The following KCTD2 variants were observed in gnomAD, a reference collection of about 807,000 sequenced individuals.
The protein encoded by KCTD2 is BTB/POZ domain-containing protein KCTD2.
Under a neutral mutation model 27.9 loss-of-function variants are expected in KCTD2, and 18 were observed. The ratio of observed to expected loss-of-function variants is 0.64; its 90% confidence interval spans 0.45 to 0.96. The LOEUF is 0.96. Among genes scored for constraint, KCTD2 ranks in the 40% least tolerant of loss-of-function variants. The pLI is 0.00. For synonymous variants in KCTD2, 175 were observed against 148.4 expected, an observed-to-expected ratio of 1.18 and a Z score of -1.30; for missense variants, 280 against 348.0, an observed-to-expected ratio of 0.80 and a Z score of 1.56.
chr17:75,042,781 G>A, upstream of KCTD2: 5 of 1,032,770 alleles, frequency 4.8e-6, no homozygotes, highest in South Asian at 8.2e-5. Context: ...AAACATGCAA[G>A]TCTTCACAAG....
intron 3 of KCTD2, chr17:75,042,210 C>A: frequency 6.2e-7 from 1 of 1,614,180 alleles, no homozygotes; most frequent in Non-Finnish European, 8.5e-7. Flanking sequence ...ACCAAGCCAG[C>A]CTTGGCCACA....
At chr17:75,037,607 A>G (rs980971741) in intron 3 of KCTD2, among the ~76,000 whole-genome samples, 2 of 152,242 alleles carry the variant, frequency 1.3e-5, no homozygotes, top group Admixed American at 1.3e-4. Context: ...TTTAAGGACA[A>G]TTCTTTCTAC....
At chr17:75,034,327 C>A (rs929275693) in intron 2 of KCTD2, among the ~76,000 whole-genome samples, 1 of 152,050 alleles carries the variant, frequency 6.6e-6, no homozygotes, top group African/African-American at 2.4e-5. Context: ...AGGCGAGGGG[C>A]GCAAACAGGG....
chr17:75,055,347 G>A (rs905581127), intron 3 of KCTD2, among the ~76,000 whole-genome samples: 2 of 151,884 alleles, frequency 1.3e-5, no homozygotes, highest in African/African-American at 4.8e-5. Context: ...GAGGCACCAT[G>A]CCTGGCATAA....
At chr17:75,039,297 T>C in intron 3 of KCTD2, 1 of 1,610,342 alleles carries the variant, frequency 6.2e-7, no homozygotes, top group South Asian at 1.1e-5. Flanking sequence ...GAAATTCAGT[T>C]CTGAAACCAG....
chr17:75,044,222 G>A (rs575261109), upstream of KCTD2, among the ~76,000 whole-genome samples: 54 of 75,530 alleles, frequency 7.1e-4, 9 homozygotes, highest in African/African-American at 2.2e-3. Context: ...TTTTTGAGAC[G>A]GAGTCTCGCT....
At chr17:75,048,109 C>G (rs1202788851) in intron 1 of KCTD2, among the ~76,000 whole-genome samples, 1 of 152,168 alleles carries the variant, frequency 6.6e-6, no homozygotes, top group East Asian at 1.9e-4. Flanking sequence ...GTCCTGGTCG[C>G]AGAACTTTTA....
chr17:75,062,922 C>T (rs2073419237), intron 5 of KCTD2, 96 bp from the exon 6 acceptor site: 1 of 1,313,812 alleles, frequency 7.6e-7, no homozygotes. Context: ...GATGACAGGA[C>T]CATCATGCCA....
At position 75,063,069 on chromosome 17, in the gene KCTD2, G is replaced by T. The variant is rs1219420293; in HGVS notation, c.*22G>T. 6.2e-7 allele frequency: 1 copy of T among 1,612,502 alleles called. No homozygotes were observed. The highest frequency in any genetic ancestry group is 1.7e-5 in the Admixed American group (1 of 59,962). ...GTAAACTAAGACCCCGAAAACTCCA[G>T]ACCTTCAGGAGAGCAGTCAGCAGAG... is the stretch of plus-strand genomic sequence containing the variant. On this transcript the variant is annotated 3_prime_UTR_variant, in exon 6 of 6. Coordinates refer to ENST00000322444, the MANE Select transcript of KCTD2 (RefSeq NM_015353.3).
intron 3 of KCTD2, among the ~76,000 whole-genome samples, chr17:75,036,755 G>A (rs1461719689): frequency 6.6e-6 from 1 of 152,236 alleles, no homozygotes; most frequent in African/African-American, 2.4e-5. Flanking sequence ...GATCCTCAGC[G>A]GGATGGCTGA....
intron 3 of KCTD2, among the ~76,000 whole-genome samples, chr17:75,055,071 T>G (rs1479537576): frequency 6.6e-6 from 1 of 152,054 alleles, no homozygotes; most frequent in Non-Finnish European, 1.5e-5. Flanking sequence ...TCTTCTTTTT[T>G]TGAGGCAGAG....
chr17:75,059,652 C>T, intron 4 of KCTD2, 47 bp downstream of exon 4: 1 of 1,435,580 alleles, frequency 7.0e-7, no homozygotes, highest in Non-Finnish European at 9.8e-7. Context: ...TTCAAGGGGT[C>T]TGCAGCTCTT....
chr17:75,039,634 T>C, intron 3 of KCTD2: 1 of 289,324 alleles, frequency 3.5e-6, no homozygotes, highest in South Asian at 5.7e-5. Context: ...ATAGTTGGCC[T>C]TCAGTGCTTT....
At chr17:75,054,842 A>G (rs1411177508) in intron 3 of KCTD2, among the ~76,000 whole-genome samples, 1 of 151,732 alleles carries the variant, frequency 6.6e-6, no homozygotes, top group African/African-American at 2.4e-5. Context: ...AAGTATAGCC[A>G]GGAAAATAGA....
intron 2 of KCTD2, chr17:75,035,210 A>C (rs181237141): frequency 6.6e-6 from 1 of 151,824 alleles, no homozygotes; most frequent in Non-Finnish European, 1.5e-5. Flanking sequence ...CTGCAACTAT[A>C]ATCTTCCCTC....
upstream of KCTD2, chr17:75,042,514 C>T: frequency 6.2e-7 from 1 of 1,601,176 alleles, no homozygotes; most frequent in East Asian, 2.2e-5. Context: ...GGTTCCCTCT[C>T]AGAAACATAC....
intron 1 of KCTD2, chr17:75,033,923 G>C (rs1385769805): frequency 6.6e-6 from 1 of 152,296 alleles, no homozygotes; most frequent in Non-Finnish European, 1.5e-5. Flanking sequence ...TGGCCTAATG[G>C]ATAAGGCACT....
intron 3 of KCTD2, among the ~76,000 whole-genome samples, chr17:75,057,684 C>T (rs973795935): frequency 9.9e-5 from 15 of 151,556 alleles, no homozygotes; most frequent in South Asian, 2.1e-4. Context: ...CTCAGCCTCC[C>T]GAGTAGCTGG....
At position 75,064,767 on chromosome 17, in the gene KCTD2, C is replaced by T. The variant is rs1304854467; in HGVS notation, c.*1720C>T. ...CAAGAGTCACAGGCATCCATCCAGTCGTATCTTTCAGAGAAAAAAAAAGTT... is the reference window on the plus strand; with the variant it reads ...CAAGAGTCACAGGCATCCATCCAGTTGTATCTTTCAGAGAAAAAAAAAGTT... On this transcript the variant is annotated 3_prime_UTR_variant, in exon 6 of 6. Coordinates refer to ENST00000322444, the MANE Select transcript of KCTD2 (RefSeq NM_015353.3). 2 of 152,034 alleles carry T rather than the reference C, an allele frequency of 1.3e-5. No individual in the cohort carries two copies. The highest frequency in any genetic ancestry group is 6.6e-5 in the Admixed American group (1 of 15,254). The allele number at this position is 152,034 out of a possible 1,614,324, so 9.4% of individuals were successfully genotyped here.
Sources: allele counts gnomAD v4.1 joint callset (sites outside exome capture counted in the v4.1 genomes callset), GRCh38; gene constraint gnomAD v4.1.1; transcripts MANE v1.5; gene names NCBI Gene and HGNC (gene_info 2026-07-23, HGNC 2026-07-21).